RCAN2: variants seen among roughly 807,000 people sequenced by gnomAD.
RCAN2 encodes the protein regulator of calcineurin 2, also known as calcipressin-2.
In RCAN2, 9 loss-of-function variants were observed where a neutral mutation model predicts 23.6. That is an observed-to-expected ratio of 0.38 (90% CI 0.23 to 0.67). The LOEUF is 0.67. Among genes scored for constraint, RCAN2 ranks in the 30% least tolerant of loss-of-function variants. The pLI is 0.51. For synonymous variants in RCAN2, 109 were observed against 115.7 expected, an observed-to-expected ratio of 0.94 and a Z score of 0.37; for missense variants, 273 against 302.3, an observed-to-expected ratio of 0.90 and a Z score of 0.72.
At chr6:46,253,816 G>T (rs926700602) in intron 2 of RCAN2, among the ~76,000 whole-genome samples, 3 of 152,138 alleles carry the variant, frequency 2.0e-5, no homozygotes, top group African/African-American at 7.2e-5. Context: ...CCTTTTCTAT[G>T]ATTAGATATA....
intron 4 of RCAN2, among the ~76,000 whole-genome samples, chr6:46,234,631 G>C (rs1766025695): frequency 6.6e-6 from 1 of 152,230 alleles, no homozygotes; most frequent in African/African-American, 2.4e-5. Context: ...GTGCAGAAAG[G>C]AGGCCAGGAC....
At chr6:46,306,227 T>C (rs1044451920) in intron 2 of RCAN2, among the ~76,000 whole-genome samples, 1 of 151,604 alleles carries the variant, frequency 6.6e-6, no homozygotes, top group African/African-American at 2.4e-5. Flanking sequence ...ACGATGAGAG[T>C]TGTCAACAGA....
At chr6:46,455,892 A>G (rs1582216645) in intron 2 of RCAN2, among the ~76,000 whole-genome samples, 2 of 150,184 alleles carry the variant, frequency 1.3e-5, no homozygotes, top group South Asian at 4.2e-4. Context: ...AAGAAAAAGA[A>G]AAAGAAAAAA....
chr6:46,460,252 A>G (rs1165158429), intron 1 of RCAN2, among the ~76,000 whole-genome samples: 1 of 152,020 alleles, frequency 6.6e-6, no homozygotes, highest in African/African-American at 2.4e-5. Context: ...TGTAGAGATG[A>G]GATCTTGCTA....
chr6:46,338,225 G>C (rs551054682), intron 2 of RCAN2, among the ~76,000 whole-genome samples: 1 of 152,170 alleles, frequency 6.6e-6, no homozygotes, highest in East Asian at 1.9e-4. Context: ...AAACCAAGAA[G>C]GTCTAAGATG....
chr6:46,302,580 CT>C (rs1366156954), intron 2 of RCAN2, among the ~76,000 whole-genome samples: 3 of 152,074 alleles, frequency 2.0e-5, no homozygotes, highest in African/African-American at 7.2e-5. Context: ...TCATTAGGAC[CT>C]AAACAAATGC....
intron 4 of RCAN2, among the ~76,000 whole-genome samples, chr6:46,240,664 A>T (rs2150313776): frequency 6.6e-6 from 1 of 152,338 alleles, no homozygotes; most frequent in Non-Finnish European, 1.5e-5. Context: ...TATAATATTC[A>T]TACCACATGC....
intron 2 of RCAN2, among the ~76,000 whole-genome samples, chr6:46,342,507 G>T (rs1764354979): frequency 7.7e-6 from 1 of 130,492 alleles, no homozygotes; most frequent in Admixed American, 8.1e-5. Context: ...AGCTATGATT[G>T]TGTCACTATA....
chr6:46,325,874 G>C, intron 2 of RCAN2: 2 of 985,300 alleles, frequency 2.0e-6, no homozygotes, highest in South Asian at 4.7e-5. Context: ...TTGCAGCCGA[G>C]TGCTTATGTT....
chr6:46,311,883 A>G (rs1462721292), intron 2 of RCAN2, among the ~76,000 whole-genome samples: 1 of 152,124 alleles, frequency 6.6e-6, no homozygotes, highest in Non-Finnish European at 1.5e-5. Context: ...TTATAATAGA[A>G]TCCTGACTTT....
intron 1 of RCAN2, among the ~76,000 whole-genome samples, chr6:46,486,396 A>G (rs1034510248): frequency 4.6e-5 from 7 of 152,214 alleles, no homozygotes; most frequent in African/African-American, 1.2e-4. Flanking sequence ...GGGAAGCTCA[A>G]GGTCACATAG....
intron 1 of RCAN2, among the ~76,000 whole-genome samples, chr6:46,462,778 T>G (rs1357851983): frequency 6.6e-6 from 1 of 152,230 alleles, no homozygotes; most frequent in Non-Finnish European, 1.5e-5. Flanking sequence ...AGACATCTGA[T>G]TCTGCTGGAT....
Position 46,427,637 on chromosome 6 carries a change from C to A in RCAN2, c.225+29115G>T, listed in dbSNP as rs1375941456. On this transcript the variant is annotated intron_variant, in intron 2 of 4. Transcript: ENST00000371374. The stretch of plus-strand genomic sequence containing the variant: ...AGATTAATACACTAATGAACATTCT[C>A]ATTGCTTTCTGACATCCTGCTCTCT... Among the ~76,000 whole-genome samples, 4 of 152,292 alleles carry A rather than the reference C, an allele frequency of 2.6e-5. No homozygotes were observed. In the East Asian group the frequency reaches 7.7e-4, roughly 29 times the overall value.
At chr6:46,477,785 C>A (rs960804764) in intron 1 of RCAN2, among the ~76,000 whole-genome samples, 1 of 152,104 alleles carries the variant, frequency 6.6e-6, no homozygotes, top group Non-Finnish European at 1.5e-5. Flanking sequence ...ATCCATCTTG[C>A]CATCTCTAGG....
intron 2 of RCAN2, among the ~76,000 whole-genome samples, chr6:46,257,529 T>C (rs368773634): frequency 1.3e-5 from 2 of 152,216 alleles, no homozygotes; most frequent in East Asian, 3.9e-4. Flanking sequence ...ACGTCTTACA[T>C]GGCAGCAGGA....
intron 2 of RCAN2, among the ~76,000 whole-genome samples, chr6:46,307,386 T>A (rs1763105572): frequency 6.6e-6 from 1 of 152,022 alleles, no homozygotes; most frequent in Non-Finnish European, 1.5e-5. Flanking sequence ...AAAGCCCTGG[T>A]GAGTTCAGGC....
At chr6:46,398,773 G>A (rs1766161352) in intron 2 of RCAN2, among the ~76,000 whole-genome samples, 1 of 152,118 alleles carries the variant, frequency 6.6e-6, no homozygotes, top group African/African-American at 2.4e-5. Context: ...TCAGCTCTCA[G>A]TACCCAGGCC....
intron 2 of RCAN2, among the ~76,000 whole-genome samples, chr6:46,341,256 T>A (rs987259813): frequency 1.3e-5 from 2 of 152,204 alleles, no homozygotes; most frequent in African/African-American, 4.8e-5. Flanking sequence ...ATCAAATGAC[T>A]TGCTCTGTAT....
intron 2 of RCAN2, among the ~76,000 whole-genome samples, chr6:46,345,248 C>T (rs1389845531): frequency 6.6e-6 from 1 of 151,906 alleles, no homozygotes; most frequent in Non-Finnish European, 1.5e-5. Flanking sequence ...ATTCAAAATA[C>T]ATGAAACAGA....
Sources: gnomAD v4.1 joint callset for allele counts (sites outside exome capture counted in the v4.1 genomes callset) on GRCh38, gnomAD v4.1.1 for gene constraint, MANE v1.5 for transcripts, NCBI Gene and HGNC (gene_info 2026-07-23, HGNC 2026-07-21) for gene names.